The following POSTN variants were observed in gnomAD, a reference collection of about 807,000 sequenced individuals.
POSTN encodes the protein periostin.
Under a neutral mutation model 104.5 loss-of-function variants are expected in POSTN, and 71 were observed. The observed-to-expected ratio is 0.68, with a 90% CI of 0.56 to 0.83. The LOEUF is 0.83. POSTN is among the 40% of genes least tolerant of loss of function. The pLI, the probability that POSTN is intolerant of heterozygous loss-of-function variation, is 0.00. For synonymous variants in POSTN, 355 were observed against 340.7 expected, an observed-to-expected ratio of 1.04 and a Z score of -0.46; for missense variants, 949 against 1,006.8, an observed-to-expected ratio of 0.94 and a Z score of 0.78.
chr13:37,586,038 C>T (rs1950732676), intron 7 of POSTN, 101 bp downstream of exon 7: 2 of 1,222,750 alleles, frequency 1.6e-6, no homozygotes, highest in Non-Finnish European at 2.2e-6. Context: ...TTTTCCCTGC[C>T]TTTGCTTATT....
chr13:37,571,134 T>C, intron 18 of POSTN: 1 of 414,194 alleles, frequency 2.4e-6, no homozygotes, highest in Middle Eastern at 5.4e-4. Context: ...AATCATGACA[T>C]TTTGTTGGGC....
chr13:37,584,045 G>T lies in POSTN; in HGVS notation c.1167C>A (p.Ala389=), dbSNP rs772434763. ...KQQTTFTDLV[A]QLGLASALRP... is the part of the protein sequence containing the mutation. ...TCAGAGCAGATGCCAAGCCTAATTG[G>T]GCCACAAGATCCGTGAAGGTGGTTT... The change falls in exon 9 of 23, where the codon GCC becomes GCA. Residue 389 remains alanine, a synonymous_variant. Transcript: ENST00000379747. 1.9e-6 allele frequency: 3 copies of T among 1,613,878 alleles called. No homozygotes were observed. Among genetic ancestry groups the T allele is most frequent in the Non-Finnish European group, 2.5e-6 (3 of 1,179,922 alleles).
chr13:37,586,384 A>C, intron 6 of POSTN, 104 bp from the exon 7 acceptor site: 4 of 1,210,338 alleles, frequency 3.3e-6, no homozygotes, highest in Non-Finnish European at 4.6e-6. Flanking sequence ...TTCCTACACT[A>C]TAGAGGTTTG....
chr13:37,573,070 T>G (rs1593319636), intron 17 of POSTN, among the ~76,000 whole-genome samples: 1 of 151,480 alleles, frequency 6.6e-6, no homozygotes, highest in East Asian at 1.9e-4. Flanking sequence ...GATAGAATCC[T>G]ACTGACAAAG....
At chr13:37,587,028 G>A in intron 5 of POSTN, 100 bp from the exon 6 acceptor site, 1 of 985,942 alleles carries the variant, frequency 1.0e-6, no homozygotes. Flanking sequence ...ACTAGTAAAT[G>A]TAACATACAG....
chr13:37,576,602 A>T (rs1013810305), intron 16 of POSTN, among the ~76,000 whole-genome samples: 1 of 152,152 alleles, frequency 6.6e-6, no homozygotes. Context: ...GAATGTGTAT[A>T]TATATATATG....
intron 9 of POSTN, 142 bp downstream of exon 9, chr13:37,583,827 G>C: frequency 1.1e-6 from 1 of 889,406 alleles, no homozygotes; most frequent in Non-Finnish European, 1.7e-6. Context: ...AGACCATGTA[G>C]TGTTAACACA....
rs531798767 is a variant in POSTN, at chr13:37,582,605, C to T, written c.1244-91G>A. 2.4e-3 allele frequency: 2,894 copies of T among 1,192,120 alleles called. 11 individuals carry two copies. The highest frequency in any genetic ancestry group is 3.0e-3 in the Non-Finnish European group (2,585 of 868,856). 73.8% of individuals were successfully genotyped at this position (1,192,120 alleles called of 1,614,324 possible). A position where few individuals can be genotyped will look rare whatever the true frequency, so the allele number is the denominator to read the frequency against. Reference sequence around the variant, plus strand: ...AGACAGAATCATATAAACAGATAATCCCTGACATTATTGATATCATGGATT... The same window carrying T: ...AGACAGAATCATATAAACAGATAATTCCTGACATTATTGATATCATGGATT... On this transcript the variant is annotated intron_variant, in intron 9 of 22. Transcript: ENST00000379747.
chr13:37,563,266 C>A lies in POSTN; in HGVS notation c.*67G>T. The stretch of plus-strand genomic sequence containing the variant: ...CAGTTCCTGAAGTCAACTTGGCTCT[C>A]ACAATTTTCTAAGGTCAGGTTATTG... On this transcript the variant is annotated 3_prime_UTR_variant, in exon 23 of 23. Transcript: ENST00000379747. 8.8e-7 allele frequency: 1 copy of A among 1,131,792 alleles called. No individual in the cohort carries two copies. The highest frequency in any genetic ancestry group is 1.6e-5 in the South Asian group (1 of 62,336). 70.1% of individuals were successfully genotyped at this position (1,131,792 alleles called of 1,614,324 possible).
intron 9 of POSTN, 50 bp downstream of exon 9, chr13:37,583,919 A>G (rs920480765): frequency 1.9e-6 from 3 of 1,549,926 alleles, no homozygotes; most frequent in Admixed American, 2.0e-5. Context: ...CATCATAAAG[A>G]AAAAAAGGTG....
Position 37,590,438 on chromosome 13 carries a change from C to A in POSTN, c.375G>T (p.Glu125Asp), listed in dbSNP as rs1950894659. Residue 125 changes from glutamate to aspartate, a missense_variant, in exon 4 of 23, where the codon GAG becomes GAT. Glu to Asp is a conservative substitution (Grantham distance 45, BLOSUM62 2). Transcript: ENST00000379747. ...AAGTGAAGGATCCCTTTCCCTCGAT[C>A]TCCTCCCTCAGTTTTGAGGCGTCAG... ...RYSDASKLREEIEGKGSFTYF... is the reference protein window; with the variant it reads ...RYSDASKLREDIEGKGSFTYF... 6.2e-6 allele frequency: 10 copies of A among 1,612,992 alleles called. No individual in the cohort carries two copies. The highest frequency in any genetic ancestry group is 8.5e-6 in the Non-Finnish European group (10 of 1,179,422).
At chr13:37,565,467 T>G (rs1344915868) in intron 21 of POSTN, 1 of 152,038 alleles carries the variant, frequency 6.6e-6, no homozygotes, top group Non-Finnish European at 1.5e-5. Context: ...GAAGTCCAGT[T>G]TTTTCTATTA....
At position 37,585,648 on chromosome 13, in the gene POSTN, T is replaced by C. The variant is rs75927680; in HGVS notation, c.895+491A>G. 4.9e-3 allele frequency among the ~76,000 whole-genome samples: 742 copies of C among 152,248 alleles called. 18 individuals are homozygous for C. The highest frequency in any genetic ancestry group is 0.037 in the Admixed American group (564 of 15,274). On this transcript the variant is annotated intron_variant, in intron 7 of 22. Coordinates refer to ENST00000379747, the MANE Select transcript of POSTN (RefSeq NM_006475.3). ...CTCATCTTAAATTGGTTAAATGTAT[T>C]TTGGGATAGGCTGAGTAAGTGAAGT...
At chr13:37,594,873 A>C (rs915372305) in intron 2 of POSTN, among the ~76,000 whole-genome samples, 1 of 152,136 alleles carries the variant, frequency 6.6e-6, no homozygotes, top group Non-Finnish European at 1.5e-5. Context: ...TCCTGTCAAT[A>C]GTATTGATTT....
chr13:37,580,085 GA>G (rs1239444269), intron 11 of POSTN, 94 bp from the exon 12 acceptor site: 2 of 1,174,888 alleles, frequency 1.7e-6, no homozygotes, highest in Non-Finnish European at 2.4e-6. Flanking sequence ...ATGTATTGTG[GA>G]AAGCATGAGA....
chr13:37,593,114 C>CT (rs1355557355), intron 2 of POSTN, among the ~76,000 whole-genome samples: 1 of 150,916 alleles, frequency 6.6e-6, no homozygotes, highest in Non-Finnish European at 1.5e-5. Flanking sequence ...AAGTGGCATC[C>CT]TGTTTAAAGT....
chr13:37,590,862 A>G (rs184206914), intron 3 of POSTN, among the ~76,000 whole-genome samples: 1 of 152,170 alleles, frequency 6.6e-6, no homozygotes, highest in African/African-American at 2.4e-5. Context: ...TAAATCTATC[A>G]TTTTTATAGA....
In POSTN at chr13:37,570,576, C is replaced by T. The variant is rs775258449; in HGVS notation, c.2269+4G>A. 6 of 1,569,246 alleles carry T rather than the reference C, an allele frequency of 3.8e-6. No homozygotes were observed. The highest frequency in any genetic ancestry group is 3.3e-5 in the South Asian group (3 of 89,892). ...ATAGATCCATGTATGGAATTAATGGCTACCTGTAATGATTCGTTCTTCTCG... is the reference window on the plus strand; with the variant it reads ...ATAGATCCATGTATGGAATTAATGGTTACCTGTAATGATTCGTTCTTCTCG... On this transcript the variant is annotated splice_donor_region_variant and intron_variant, in intron 19 of 22. Transcript: ENST00000379747.
intron 19 of POSTN, among the ~76,000 whole-genome samples, chr13:37,570,033 G>A (rs2138177182): frequency 6.6e-6 from 1 of 151,994 alleles, no homozygotes; most frequent in South Asian, 2.1e-4. Context: ...TAAATGGGTG[G>A]CACAAGCCAC....
Sources: gnomAD v4.1 joint callset for allele counts (sites outside exome capture counted in the v4.1 genomes callset) on GRCh38, gnomAD v4.1.1 for gene constraint, MANE v1.5 for transcripts, NCBI Gene and HGNC (gene_info 2026-07-23, HGNC 2026-07-21) for gene names.